Variants in C7 observed in about 807,000 individuals in gnomAD.
C7 encodes complement component C7.
Under a neutral mutation model 104.8 loss-of-function variants are expected in C7, and 83 were observed. The ratio of observed to expected loss-of-function variants is 0.79; its 90% CI spans 0.66 to 0.95. C7 has a LOEUF of 0.95. Among genes scored for constraint, C7 ranks in the 40% least tolerant of loss-of-function variants. The pLI, the probability that C7 is intolerant of heterozygous loss-of-function variation, is 0.00. For missense variants in C7, 1,070 were observed against 1,011.2 expected (o/e 1.06, Z -0.79); for synonymous variants, 415 against 360.6 (o/e 1.15, Z -1.71).
intron 14 of C7, chr5:40,972,033 A>G (rs1324448428): frequency 2.2e-6 from 1 of 462,074 alleles, no homozygotes. Flanking sequence ...ACTGGATGAA[A>G]GTTAATGAAA....
chr5:40,923,755 A>T (rs1739491473), intron 1 of C7, among the ~76,000 whole-genome samples: 1 of 152,064 alleles, frequency 6.6e-6, no homozygotes, highest in Admixed American at 6.6e-5. Flanking sequence ...TAAAAAAAAA[A>T]AAAAGTATGC....
At chr5:40,926,775 A>G (rs1383102039) in intron 1 of C7, among the ~76,000 whole-genome samples, 1 of 152,230 alleles carries the variant, frequency 6.6e-6, no homozygotes, top group Non-Finnish European at 1.5e-5. Context: ...ATGGAAAGGT[A>G]TCCCTTGTTC....
At chr5:40,924,075 G>T (rs1302854046) in intron 1 of C7, among the ~76,000 whole-genome samples, 2 of 152,138 alleles carry the variant, frequency 1.3e-5, no homozygotes, top group Non-Finnish European at 2.9e-5. Flanking sequence ...CAAGTCTCAA[G>T]GACAAGGTCC....
At chr5:40,917,833 G>T (rs1257924930) in intron 1 of C7, among the ~76,000 whole-genome samples, 1 of 152,050 alleles carries the variant, frequency 6.6e-6, no homozygotes, top group Non-Finnish European at 1.5e-5. Context: ...AATCATTTAA[G>T]AAATGTAAGC....
At position 40,984,290 on chromosome 5, in the gene C7, G is replaced by A. The variant is rs996675968; in HGVS notation, c.*2717G>A. Reference sequence around the variant, plus strand: ...AAGGAGGGTTCTTCGTATTCAGGTAGGGTATGGTAGGGATGTGGAGTGCCA... The same window carrying A: ...AAGGAGGGTTCTTCGTATTCAGGTAAGGTATGGTAGGGATGTGGAGTGCCA... On this transcript the variant is annotated 3_prime_UTR_variant, in exon 18 of 18. Coordinates refer to ENST00000313164, the MANE Select transcript of C7 (RefSeq NM_000587.4). Among the ~76,000 whole-genome samples, 1 of 152,146 alleles carries A rather than the reference G, an allele frequency of 6.6e-6. No homozygotes were observed. Among genetic ancestry groups the A allele is most frequent in the Non-Finnish European group, 1.5e-5 (1 of 68,030 alleles).
At chr5:40,976,307 A>T (rs1331624955) in intron 15 of C7, among the ~76,000 whole-genome samples, 1 of 152,224 alleles carries the variant, frequency 6.6e-6, no homozygotes, top group African/African-American at 2.4e-5. Flanking sequence ...CAAACAGTTT[A>T]TAAGCACCAG....
intron 14 of C7, among the ~76,000 whole-genome samples, chr5:40,966,268 C>T (rs1740549573): frequency 1.3e-5 from 2 of 152,100 alleles, no homozygotes; most frequent in African/African-American, 4.8e-5. Context: ...CCCCTTCCCA[C>T]CCTTTCTCTC....
At chr5:40,972,689 A>G (rs1405302079) in intron 15 of C7, 95 bp downstream of exon 15, 3 of 944,380 alleles carry the variant, frequency 3.2e-6, no homozygotes, top group Non-Finnish European at 4.7e-6. Context: ...CATAGCTGTG[A>G]GTCATTCCCT....
intron 10 of C7, among the ~76,000 whole-genome samples, chr5:40,956,135 A>AT (rs766348115): frequency 2.6e-5 from 4 of 152,234 alleles, no homozygotes; most frequent in Non-Finnish European, 5.9e-5. Flanking sequence ...TCAAATTTTC[A>AT]TCTGTCACAC....
chr5:40,939,927 T>A (rs1739899831), intron 6 of C7, among the ~76,000 whole-genome samples: 1 of 152,064 alleles, frequency 6.6e-6, no homozygotes, highest in South Asian at 2.1e-4. Flanking sequence ...AATGTGAAGG[T>A]GTTTGTCAGA....
intron 1 of C7, among the ~76,000 whole-genome samples, chr5:40,923,325 G>T (rs1481950418): frequency 6.6e-6 from 1 of 152,192 alleles, no homozygotes; most frequent in Non-Finnish European, 1.5e-5. Flanking sequence ...TTGCCTTGTG[G>T]TTCTGCAGGC....
intron 9 of C7, among the ~76,000 whole-genome samples, chr5:40,950,494 AATT>A (rs35241722): frequency 0.015 from 2,314 of 152,200 alleles, 58 homozygotes; most frequent in East Asian, 0.054. Context: ...TATTGTGAAT[AATT>A]ACAAGCCTAA....
chr5:40,974,042 T>C (rs79416243), intron 15 of C7, among the ~76,000 whole-genome samples: 79 of 151,158 alleles, frequency 5.2e-4, no homozygotes, highest in Middle Eastern at 3.4e-3. Flanking sequence ...GTATTTAGTC[T>C]TTTTTTTTAT....
At chr5:40,933,097 C>T (rs539757448) in intron 3 of C7, among the ~76,000 whole-genome samples, 3 of 152,248 alleles carry the variant, frequency 2.0e-5, no homozygotes, top group Admixed American at 6.5e-5. Flanking sequence ...TATCAAGAAA[C>T]CTTACCGAGT....
chr5:40,928,730 T>C lies in C7; in HGVS notation c.62+95T>C, dbSNP rs546116694. The C allele has an allele frequency of 4.6e-5, 31 of 674,632 alleles. No homozygotes were observed. The South Asian group carries it at 6.0e-4, about 13-fold the overall frequency. The allele number at this position is 674,632 out of a possible 1,614,324, so 41.8% of individuals were successfully genotyped here. ...ATTTTGACATTGCACTTTGAATCTG[T>C]GTATCCCTCCAACATATTTTCTCTT... On this transcript the variant is annotated intron_variant, in intron 2 of 17. Transcript: ENST00000313164.
chr5:40,955,422 A>G lies in C7; in HGVS notation c.1129A>G (p.Ile377Val), dbSNP rs1434381935. ...CAATGTATTGCGAGGAGAACCGTTC[A>G]TCAGAGGGGGAGGTGCAGGCTTCAT... The part of the protein sequence containing the change: ...QNNVLRGEPF[I>V]RGGGAGFISG... The change falls in exon 10 of 18, where the codon ATC becomes GTC. Residue 377 changes from isoleucine (I) to valine (V), a missense_variant. By Grantham distance (29) the Ile-to-Val change is conservative. Transcript: ENST00000313164. The G allele has an allele frequency of 1.9e-6, 3 of 1,611,860 alleles. No individual in the cohort carries two copies. Among genetic ancestry groups the G allele is most frequent in the South Asian group, 1.1e-5 (1 of 90,536 alleles).
intron 1 of C7, among the ~76,000 whole-genome samples, chr5:40,918,112 C>T (rs116364123): frequency 2.0e-5 from 3 of 151,936 alleles, no homozygotes; most frequent in East Asian, 1.9e-4. Context: ...TTGAAAACTG[C>T]GAAACCACAA....
At chr5:40,959,680 T>A (rs553877785) in intron 12 of C7, 60 bp downstream of exon 12, 1 of 1,264,114 alleles carries the variant, frequency 7.9e-7, no homozygotes, top group African/African-American at 1.5e-5. Flanking sequence ...GCAGTTAGCA[T>A]GGAACACATG....
intron 2 of C7, among the ~76,000 whole-genome samples, chr5:40,929,352 C>T (rs1366346388): frequency 6.6e-6 from 1 of 152,110 alleles, no homozygotes; most frequent in Non-Finnish European, 1.5e-5. Flanking sequence ...TTGGGGAAGC[C>T]CTCTCCATTT....
Sources: gnomAD v4.1 joint callset for allele counts (sites outside exome capture counted in the v4.1 genomes callset) on GRCh38, gnomAD v4.1.1 for gene constraint, MANE v1.5 for transcripts, NCBI Gene and HGNC (gene_info 2026-07-23, HGNC 2026-07-21) for gene names.